The following ADGRG7 variants were observed in gnomAD, a reference collection of about 807,000 sequenced individuals.
ADGRG7 encodes the protein adhesion G protein-coupled receptor G7.
In ADGRG7, 82 loss-of-function variants were observed where a neutral mutation model predicts 88.6. The observed-to-expected ratio is 0.93, with a 90% CI of 0.77 to 1.11. ADGRG7 has a LOEUF of 1.11. Among genes scored for constraint, ADGRG7 ranks in the 50% most tolerant of loss-of-function variants. The pLI is 0.00. For synonymous variants in ADGRG7, 381 were observed against 345.2 expected, an observed-to-expected ratio of 1.10 and a Z score of -1.15; for missense variants, 945 against 953.4, an observed-to-expected ratio of 0.99 and a Z score of 0.12.
intron 4 of ADGRG7, among the ~76,000 whole-genome samples, chr3:100,633,594 G>A (rs1358132598): frequency 2.0e-5 from 3 of 151,932 alleles, no homozygotes; most frequent in African/African-American, 4.8e-5. Flanking sequence ...GCACCGTCTC[G>A]GCTCACTGTA....
rs1201697393 is a variant in ADGRG7, at chr3:100,637,348, G to A, written c.644G>A (p.Ser215Asn). The A allele has an allele frequency of 6.2e-7, 1 of 1,613,830 alleles. No individual in the cohort carries two copies. The highest frequency in any genetic ancestry group is 8.5e-7 in the Non-Finnish European group (1 of 1,179,902). Residue 215 changes from serine to asparagine, a missense_variant, in exon 6 of 16, where the codon AGT becomes AAT. Transcript: ENST00000273352. The part of the protein sequence containing the change: ...IVTVSQLLDA[S>N]EDAFQRVAAT... ...ACAGTGAGTCAACTCCTAGATGCCA[G>A]TGAAGATGCTTTTCAAAGAGTTGCT...
chr3:100,651,120 C>T (rs1463608650), intron 11 of ADGRG7, among the ~76,000 whole-genome samples: 1 of 152,180 alleles, frequency 6.6e-6, no homozygotes, highest in Non-Finnish European at 1.5e-5. Flanking sequence ...GAGTCTCTTG[C>T]CATTCATTTA....
At chr3:100,691,045 A>T (rs1180318117) in intron 15 of ADGRG7, among the ~76,000 whole-genome samples, 1 of 152,054 alleles carries the variant, frequency 6.6e-6, no homozygotes, top group Non-Finnish European at 1.5e-5. Context: ...TTGTTTACCT[A>T]CTCAAGCCTC....
chr3:100,646,479 T>TTC, intron 9 of ADGRG7, 90 bp from the exon 10 acceptor site: 1 of 984,556 alleles, frequency 1.0e-6, no homozygotes, highest in Non-Finnish European at 1.5e-6. Flanking sequence ...TTTAATTCAT[T>TTC]TCTCAGATGA....
chr3:100,618,089 T>G (rs1390452667), intron 1 of ADGRG7, among the ~76,000 whole-genome samples: 1 of 152,198 alleles, frequency 6.6e-6, no homozygotes, highest in African/African-American at 2.4e-5. Context: ...TAAATTTGTT[T>G]GAGTTCATTG....
intron 6 of ADGRG7, 130 bp downstream of exon 6, chr3:100,637,532 A>G: frequency 3.0e-6 from 2 of 664,500 alleles, no homozygotes; most frequent in South Asian, 3.7e-5. Context: ...TGGAATGTAG[A>G]TAAGAGCTGT....
intron 1 of ADGRG7, among the ~76,000 whole-genome samples, chr3:100,622,284 T>G (rs1459679872): frequency 8.0e-6 from 1 of 124,432 alleles, no homozygotes; most frequent in African/African-American, 2.9e-5. Context: ...TTTTTTTTTT[T>G]TGCTTATGGT....
chr3:100,675,234 G>A (rs182118584), intron 15 of ADGRG7, among the ~76,000 whole-genome samples: 12 of 152,282 alleles, frequency 7.9e-5, no homozygotes, highest in Middle Eastern at 3.4e-3. Context: ...CTGTGAGTCC[G>A]TCATATACAG....
intron 1 of ADGRG7, among the ~76,000 whole-genome samples, chr3:100,615,282 C>A (rs1313630428): frequency 1.3e-5 from 2 of 152,172 alleles, no homozygotes; most frequent in African/African-American, 4.8e-5. Flanking sequence ...ATGATATGAA[C>A]AAGCCACTTA....
chr3:100,622,574 TG>T (rs536605355), intron 1 of ADGRG7, among the ~76,000 whole-genome samples: 122 of 152,306 alleles, frequency 8.0e-4, no homozygotes, highest in Admixed American at 9.8e-4. Flanking sequence ...TCCAGTCTTT[TG>T]CCCACTTAAA....
rs1707679397 is a variant in ADGRG7 at position 100,643,422 on chromosome 3, A to G, written c.838+17A>G. On this transcript the variant is annotated intron_variant, in intron 7 of 15. Coordinates refer to ENST00000273352, the MANE Select transcript of ADGRG7 (RefSeq NM_032787.3). Reference sequence around the variant, plus strand: ...TGCAGAAAGGTGAGCTGTTAATCTTATGTGCTTGTAACAGCAAAGAGCATT... The same window carrying G: ...TGCAGAAAGGTGAGCTGTTAATCTTGTGTGCTTGTAACAGCAAAGAGCATT... 1 of 1,613,542 alleles carries G rather than the reference A, an allele frequency of 6.2e-7. No homozygotes were observed. The highest frequency in any genetic ancestry group is 8.5e-7 in the Non-Finnish European group (1 of 1,179,724).
chr3:100,650,184 T>C (rs760306117), intron 11 of ADGRG7, among the ~76,000 whole-genome samples: 5 of 152,340 alleles, frequency 3.3e-5, no homozygotes, highest in Non-Finnish European at 7.4e-5. Context: ...TTAAAAAATA[T>C]ATCAAGCTTT....
chr3:100,617,621 A>C (rs1250330946), intron 1 of ADGRG7, among the ~76,000 whole-genome samples: 3 of 152,134 alleles, frequency 2.0e-5, no homozygotes, highest in Non-Finnish European at 2.9e-5. Flanking sequence ...TCATTGTTGG[A>C]CATTTGGGTT....
intron 15 of ADGRG7, among the ~76,000 whole-genome samples, chr3:100,675,657 T>G (rs567849692): frequency 1.3e-5 from 2 of 152,230 alleles, no homozygotes; most frequent in South Asian, 2.1e-4. Context: ...TGCCTCTATT[T>G]TTTGGAGTAG....
chr3:100,687,019 A>C (rs982992623), intron 15 of ADGRG7, among the ~76,000 whole-genome samples: 5 of 152,158 alleles, frequency 3.3e-5, no homozygotes, highest in African/African-American at 1.2e-4. Flanking sequence ...TGAGCATGGA[A>C]TGTTCTTCCA....
intron 15 of ADGRG7, among the ~76,000 whole-genome samples, 184 bp from the exon 16 acceptor site, chr3:100,694,560 T>C (rs2094999012): frequency 6.6e-6 from 1 of 152,186 alleles, no homozygotes; most frequent in Non-Finnish European, 1.5e-5. Context: ...TAGGTCTTTG[T>C]ATATGGGAAA....
chr3:100,648,118 G>A (rs1228184319), intron 10 of ADGRG7, among the ~76,000 whole-genome samples: 1 of 152,260 alleles, frequency 6.6e-6, no homozygotes, highest in East Asian at 1.9e-4. Flanking sequence ...GATCATTGAT[G>A]AGCTATGTAA....
chr3:100,659,647 C>A (rs768242186), intron 13 of ADGRG7, 41 bp from the exon 14 acceptor site: 4 of 1,596,308 alleles, frequency 2.5e-6, no homozygotes, highest in Admixed American at 1.7e-5. Flanking sequence ...GTATGTATAC[C>A]TTTCTTAGTC....
At chr3:100,648,541 T>C (rs1707797091) in intron 10 of ADGRG7, among the ~76,000 whole-genome samples, 1 of 152,166 alleles carries the variant, frequency 6.6e-6, no homozygotes, top group Admixed American at 6.5e-5. Flanking sequence ...AATATACTGA[T>C]ATGGAAAAAT....
Sources: allele counts gnomAD v4.1 joint callset (sites outside exome capture counted in the v4.1 genomes callset), GRCh38; gene constraint gnomAD v4.1.1; transcripts MANE v1.5; gene names NCBI Gene and HGNC (gene_info 2026-07-23, HGNC 2026-07-21).